SEL1L3: variants seen among roughly 807,000 people sequenced by gnomAD.
The protein encoded by SEL1L3 is protein sel-1 homolog 3.
SEL1L3 carries 76 observed loss-of-function variants against 142.8 expected under a neutral mutation model. The observed-to-expected ratio is 0.53, with a 90% CI of 0.44 to 0.64. The LOEUF (loss-of-function observed/expected upper bound fraction) is 0.64, where lower values mean the gene tolerates loss of function less well. Among genes scored for constraint, SEL1L3 ranks in the 30% least tolerant of loss-of-function variants. The pLI, the probability that SEL1L3 is intolerant of heterozygous loss-of-function variation, is 0.00. For missense variants in SEL1L3, 1,262 were observed against 1,381.7 expected (o/e 0.91, Z 1.37); for synonymous variants, 504 against 519.6 (o/e 0.97, Z 0.41).
rs764408433 is a variant in SEL1L3, at chr4:25,767,624, G to A, written c.2761-15C>T. The A allele has an allele frequency of 6.4e-7, 1 of 1,561,554 alleles. No individual in the cohort carries two copies. The highest frequency in any genetic ancestry group is 1.2e-5 in the South Asian group (1 of 86,616). On this transcript the variant is annotated splice_polypyrimidine_tract_variant and intron_variant, in intron 18 of 23. Coordinates refer to ENST00000399878, the MANE Select transcript of SEL1L3 (RefSeq NM_015187.5). Reference sequence around the variant, plus strand: ...CTGGCCAGGTCCTAAGGGGTAAAGGGAAGAAAAAGTTAATTCATTAATATT... The same window carrying A: ...CTGGCCAGGTCCTAAGGGGTAAAGGAAAGAAAAAGTTAATTCATTAATATT...
chr4:25,840,961 T>G (rs1243007636), intron 2 of SEL1L3, among the ~76,000 whole-genome samples: 1 of 152,080 alleles, frequency 6.6e-6, no homozygotes, highest in Non-Finnish European at 1.5e-5. Flanking sequence ...TTCTCCTTTG[T>G]GTGCCACAGC....
intron 17 of SEL1L3, among the ~76,000 whole-genome samples, chr4:25,774,476 A>G (rs1378652229): frequency 6.6e-6 from 1 of 152,210 alleles, no homozygotes; most frequent in Non-Finnish European, 1.5e-5. Context: ...GAGGCTGAGT[A>G]TTAAGAAAGA....
At chr4:25,780,114 C>T (rs749753125) in intron 15 of SEL1L3, among the ~76,000 whole-genome samples, 18 of 152,166 alleles carry the variant, frequency 1.2e-4, no homozygotes, top group Non-Finnish European at 2.2e-4. Flanking sequence ...ATTCTTCCAA[C>T]GCAACAAATG....
chr4:25,714,004 C>G, the SEL1L3 span, among the ~76,000 whole-genome samples: 7 of 152,192 alleles, frequency 4.6e-5, no homozygotes, highest in Middle Eastern at 6.8e-3. Context: ...CACACGTGAA[C>G]CACCAGTGAT....
intron 1 of SEL1L3, among the ~76,000 whole-genome samples, chr4:25,855,041 C>T (rs1476322492): frequency 6.6e-6 from 1 of 152,230 alleles, no homozygotes; most frequent in Admixed American, 6.5e-5. Flanking sequence ...TTTGAGGCAC[C>T]CATGCAATGA....
intron 1 of SEL1L3, among the ~76,000 whole-genome samples, chr4:25,855,693 G>A (rs187270619): frequency 1.3e-3 from 191 of 152,222 alleles, no homozygotes; most frequent in African/African-American, 4.4e-3. Flanking sequence ...ACTGGGAGGT[G>A]GAGGTTGCAG....
rs748958077 is a variant in SEL1L3, at chr4:25,767,755, G to A, written c.2745C>T (p.Ile915=). The A allele has an allele frequency of 2.9e-5, 45 of 1,578,854 alleles. No individual in the cohort carries two copies. The highest frequency in any genetic ancestry group is 3.9e-5 in the Non-Finnish European group (45 of 1,159,110). ...ATTTACTTACTGGCCTCTCCTCACAGATGTGTGCTAAATTTGTCTGTGACA... is the reference window on the plus strand; with the variant it reads ...ATTTACTTACTGGCCTCTCCTCACAAATGTGTGCTAAATTTGTCTGTGACA... The part of the protein sequence containing the change: ...IEVSQTNLAH[I]CEERPDLARR... Residue 915 remains isoleucine (I), a synonymous_variant, in exon 18 of 24, where the codon ATC becomes ATT. Transcript: ENST00000399878.
chr4:25,823,530 AAAAT>A (rs1296855886), intron 6 of SEL1L3, among the ~76,000 whole-genome samples: 6 of 152,302 alleles, frequency 3.9e-5, no homozygotes, highest in African/African-American at 1.4e-4. Context: ...AATAATAACA[AAAAT>A]AAATAAATAA....
At chr4:25,799,461 G>A (rs562877618) in intron 11 of SEL1L3, among the ~76,000 whole-genome samples, 90 of 152,282 alleles carry the variant, frequency 5.9e-4, no homozygotes, top group Non-Finnish European at 9.4e-4. Flanking sequence ...ACTCTTCAGA[G>A]ATCTGATTTC....
intron 13 of SEL1L3, among the ~76,000 whole-genome samples, chr4:25,784,866 G>A (rs931269087): frequency 1.3e-5 from 2 of 152,218 alleles, no homozygotes; most frequent in East Asian, 1.9e-4. Context: ...TCCAGATGAG[G>A]TGGTTTGTCC....
chr4:25,765,919 G>A (rs1393600694), intron 19 of SEL1L3, among the ~76,000 whole-genome samples: 4 of 151,982 alleles, frequency 2.6e-5, no homozygotes, highest in African/African-American at 9.7e-5. Context: ...GATTACAGGT[G>A]TGAGCCACCG....
At chr4:25,753,268 T>C (rs1474274456) in intron 23 of SEL1L3, among the ~76,000 whole-genome samples, 3 of 152,246 alleles carry the variant, frequency 2.0e-5, no homozygotes. Flanking sequence ...ACAGCTCAAC[T>C]GCAAGTCTTG....
intron 9 of SEL1L3, among the ~76,000 whole-genome samples, chr4:25,809,530 C>T (rs544201447): frequency 2.5e-4 from 38 of 152,262 alleles, no homozygotes; most frequent in South Asian, 8.3e-4. Context: ...GTGATCCTCC[C>T]GCATTGGCCT....
At chr4:25,805,987 C>A (rs1216731678) in intron 9 of SEL1L3, among the ~76,000 whole-genome samples, 1 of 150,506 alleles carries the variant, frequency 6.6e-6, no homozygotes, top group Non-Finnish European at 1.5e-5. Flanking sequence ...TTCTTTTTTT[C>A]TTCATTCCGT....
chr4:25,841,444 CT>C (rs1251260424), intron 2 of SEL1L3, among the ~76,000 whole-genome samples: 5 of 152,312 alleles, frequency 3.3e-5, no homozygotes, highest in African/African-American at 9.6e-5. Flanking sequence ...TGCTCAGGAA[CT>C]TTTTTTCAGT....
chr4:25,790,664 A>AAGGAAGGAAGGG (rs1712252350), intron 11 of SEL1L3, 90 bp from the exon 12 acceptor site: 1 of 26,640 alleles, frequency 3.8e-5, no homozygotes, highest in Non-Finnish European at 6.2e-5. Flanking sequence ...GGAAGGAAGG[A>AAGGAAGGAAGGG]AGGGAGGGAG....
the SEL1L3 span, among the ~76,000 whole-genome samples, chr4:25,716,481 C>T: frequency 2.6e-5 from 4 of 152,118 alleles, no homozygotes; most frequent in African/African-American, 9.7e-5. Flanking sequence ...CCCTTTGACA[C>T]AGTAATTGCA....
downstream of SEL1L3, among the ~76,000 whole-genome samples, chr4:25,746,704 C>T (rs768025988): frequency 7.3e-5 from 11 of 151,720 alleles, no homozygotes; most frequent in African/African-American, 2.7e-4. Context: ...GCTTCTCCTT[C>T]GCCTTCTGCC....
At chr4:25,724,756 A>G in the SEL1L3 span, among the ~76,000 whole-genome samples, 4 of 98,086 alleles carry the variant, frequency 4.1e-5, 1 homozygote, top group African/African-American at 2.8e-5. Context: ...AAAAAAAAAA[A>G]AAAAAAAAAA....
Sources: gnomAD v4.1 joint callset for allele counts (sites outside exome capture counted in the v4.1 genomes callset) on GRCh38, gnomAD v4.1.1 for gene constraint, MANE v1.5 for transcripts, NCBI Gene and HGNC (gene_info 2026-07-23, HGNC 2026-07-21) for gene names.